CTNNA2: variants seen among roughly 807,000 people sequenced by gnomAD.
CTNNA2 encodes catenin alpha 2.
Under a neutral mutation model 101.0 loss-of-function variants are expected in CTNNA2, and 42 were observed. The ratio of observed to expected loss-of-function variants is 0.42; its 90% CI spans 0.32 to 0.54. The LOEUF is 0.54. Among genes scored for constraint, CTNNA2 ranks in the 20% least tolerant of loss-of-function variants. The pLI, the probability that CTNNA2 is intolerant of heterozygous loss-of-function variation, is 0.14. For synonymous variants in CTNNA2, 450 were observed against 456.4 expected, an observed-to-expected ratio of 0.99 and a Z score of 0.18; for missense variants, 871 against 1,223.1, an observed-to-expected ratio of 0.71 and a Z score of 4.29.
chr2:80,019,948 C>T (rs1193522922), intron 7 of CTNNA2, among the ~76,000 whole-genome samples: 2 of 152,084 alleles, frequency 1.3e-5, no homozygotes, highest in Non-Finnish European at 2.9e-5. Flanking sequence ...CTCTAAGGCA[C>T]TCCTTATTTC....
In CTNNA2 at chr2:80,175,499, ACT is replaced by A. The variant is rs535579332; in HGVS notation, c.1057-217706_1057-217705del. 2.3e-3 allele frequency among the ~76,000 whole-genome samples: 357 copies of A among 152,174 alleles called. 3 individuals are homozygous for A. The highest frequency in any genetic ancestry group is 7.9e-3 in the African/African-American group (329 of 41,490). ...GTGCTAAAATTTCTTGCTGAAATTT[ACT>A]CTCTCCTTCAACAAATATTTAGTGA... On this transcript the variant is annotated intron_variant, in intron 7 of 18. Transcript: ENST00000402739.
intron 7 of CTNNA2, among the ~76,000 whole-genome samples, chr2:80,120,877 T>C (rs1297996107): frequency 6.6e-6 from 1 of 152,200 alleles, no homozygotes; most frequent in Non-Finnish European, 1.5e-5. Flanking sequence ...CTTGGAACAG[T>C]TATGTCCCAT....
At chr2:80,305,392 T>C (rs982080778) in intron 7 of CTNNA2, 9 of 983,966 alleles carry the variant, frequency 9.1e-6, no homozygotes, top group Non-Finnish European at 1.1e-5. Context: ...CAGATACATA[T>C]GGGGTACAGA....
intron 7 of CTNNA2, among the ~76,000 whole-genome samples, chr2:80,015,382 C>T (rs894510802): frequency 6.6e-6 from 1 of 152,112 alleles, no homozygotes; most frequent in Non-Finnish European, 1.5e-5. Flanking sequence ...AAGCAGGGCT[C>T]GTTCACAGCC....
chr2:80,187,751 T>G (rs906002208), intron 7 of CTNNA2, among the ~76,000 whole-genome samples: 1 of 152,086 alleles, frequency 6.6e-6, no homozygotes, highest in Non-Finnish European at 1.5e-5. Context: ...ATGATGCTTA[T>G]AGTTATCACA....
intron 7 of CTNNA2, among the ~76,000 whole-genome samples, chr2:80,003,296 C>T (rs565190437): frequency 3.6e-4 from 55 of 152,330 alleles, no homozygotes; most frequent in African/African-American, 1.3e-3. Context: ...TGAGTTATTA[C>T]TTCTACCTTT....
At position 80,387,063 on chromosome 2, in the gene CTNNA2, T is replaced by C. The variant is rs545203880; in HGVS notation, c.1057-6148T>C. Among the ~76,000 whole-genome samples the C allele has an allele frequency of 1.2e-4, 18 of 152,168 alleles. No homozygotes were observed. The South Asian group carries it at 2.3e-3, about 19-fold the overall frequency. On this transcript the variant is annotated intron_variant, in intron 7 of 18. Coordinates refer to ENST00000402739, the MANE Select transcript of CTNNA2 (RefSeq NM_001282597.3). ...TCATTTTCTGGGAGGCCAAGGTGGG[T>C]GGATCACGAGGTCAGGAGATCAAGA...
intron 4 of CTNNA2, among the ~76,000 whole-genome samples, chr2:79,397,370 A>T (rs1573146300): frequency 6.6e-6 from 1 of 151,808 alleles, no homozygotes. Flanking sequence ...TCATATACCC[A>T]CCCTTCCTTT....
intron 1 of CTNNA2, among the ~76,000 whole-genome samples, chr2:79,534,916 C>T (rs909106190): frequency 1.3e-5 from 2 of 150,564 alleles, no homozygotes; most frequent in African/African-American, 4.9e-5. Flanking sequence ...AAAAAAAACT[C>T]CTGCAAAACA....
At chr2:79,492,491 A>G (rs1048274475) in intron 4 of CTNNA2, among the ~76,000 whole-genome samples, 5 of 152,074 alleles carry the variant, frequency 3.3e-5, no homozygotes, top group Admixed American at 6.6e-5. Context: ...TTTAAATAGG[A>G]CAAAACATTG....
intron 2 of CTNNA2, among the ~76,000 whole-genome samples, chr2:79,273,188 C>T (rs1292927485): frequency 6.6e-6 from 1 of 151,998 alleles, no homozygotes; most frequent in Admixed American, 6.6e-5. Flanking sequence ...TGTATCAGGA[C>T]TGTTCCAGAG....
chr2:79,352,833 T>C (rs1326688825), intron 3 of CTNNA2, among the ~76,000 whole-genome samples: 2 of 152,204 alleles, frequency 1.3e-5, no homozygotes, highest in Non-Finnish European at 2.9e-5. Flanking sequence ...AGAAGCTTAA[T>C]TGGCTCATGG....
chr2:80,454,901 A>G (rs1308165560), intron 9 of CTNNA2, among the ~76,000 whole-genome samples: 1 of 152,246 alleles, frequency 6.6e-6, no homozygotes, highest in Admixed American at 6.5e-5. Flanking sequence ...GAAGGCCCAG[A>G]GCCAAAGGTC....
At chr2:79,785,784 C>T (rs537162442) in intron 3 of CTNNA2, among the ~76,000 whole-genome samples, 2 of 152,154 alleles carry the variant, frequency 1.3e-5, no homozygotes, top group Admixed American at 1.3e-4. Flanking sequence ...GAAACAGGTA[C>T]TCCATTGTGA....
intron 12 of CTNNA2, among the ~76,000 whole-genome samples, chr2:80,567,917 A>C (rs1350260672): frequency 1.3e-5 from 2 of 152,034 alleles, no homozygotes; most frequent in East Asian, 1.9e-4. Context: ...TAAACTGTTT[A>C]TCTCTCTCGA....
intron 8 of CTNNA2, among the ~76,000 whole-genome samples, chr2:80,405,438 T>C (rs1678967872): frequency 6.6e-6 from 1 of 152,184 alleles, no homozygotes; most frequent in African/African-American, 2.4e-5. Flanking sequence ...TTATAGCTTT[T>C]ATTAAAATTC....
At chr2:80,109,507 C>T (rs1282092679) in intron 7 of CTNNA2, among the ~76,000 whole-genome samples, 1 of 152,086 alleles carries the variant, frequency 6.6e-6, no homozygotes, top group Admixed American at 6.5e-5. Context: ...CTTATTGACT[C>T]CCAGGATAGC....
intron 3 of CTNNA2, among the ~76,000 whole-genome samples, chr2:79,797,293 C>T (rs1349991892): frequency 1.3e-5 from 2 of 151,866 alleles, no homozygotes; most frequent in Admixed American, 1.3e-4. Flanking sequence ...GCATGCAGGC[C>T]CAGGTGGTCA....
At chr2:79,550,447 A>G (rs1674027875) in intron 1 of CTNNA2, among the ~76,000 whole-genome samples, 2 of 152,172 alleles carry the variant, frequency 1.3e-5, no homozygotes, top group Admixed American at 6.6e-5. Flanking sequence ...GGGAATCAGT[A>G]TCTTGGTATT....
Sources: allele counts gnomAD v4.1 joint callset (sites outside exome capture counted in the v4.1 genomes callset), GRCh38; gene constraint gnomAD v4.1.1; transcripts MANE v1.5; gene names NCBI Gene and HGNC (gene_info 2026-07-23, HGNC 2026-07-21).